PDE7B: variants seen among roughly 807,000 people sequenced by gnomAD.
PDE7B encodes the protein phosphodiesterase 7B.
In PDE7B, 29 loss-of-function variants were observed where a neutral mutation model predicts 56.2. The ratio of observed to expected loss-of-function variants is 0.52; its 90% CI spans 0.38 to 0.70. The LOEUF (loss-of-function observed/expected upper bound fraction) is 0.70, where lower values mean the gene tolerates loss of function less well. Among genes scored for constraint, PDE7B ranks in the 30% least tolerant of loss-of-function variants. The pLI, the probability that PDE7B is intolerant of heterozygous loss-of-function variation, is 0.00. For synonymous variants in PDE7B, 197 were observed against 196.9 expected (o/e 1.00, Z 0.00); for missense variants, 490 against 565.0 (o/e 0.87, Z 1.35).
At position 136,187,086 on chromosome 6, in the gene PDE7B, C is replaced by T. The variant is rs1779156720; in HGVS notation, c.1096C>T (p.Gln366Ter). Residue 366 changes from glutamine (Q) to a stop codon, truncating the protein, a stop_gained, in exon 12 of 13, where the codon CAG (glutamine) becomes TAG (stop). Coordinates refer to ENST00000308191, the MANE Select transcript of PDE7B (RefSeq NM_018945.4). LOFTEE classifies it high-confidence loss of function. Reference sequence around the variant, plus strand: ...GGAAATCAGTCCTCTTTGTAATCAACAGAAAGATTCCATCCCTAGTATACA... The same window carrying T: ...GGAAATCAGTCCTCTTTGTAATCAATAGAAAGATTCCATCCCTAGTATACA... ...ELEISPLCNQ[Q>*]KDSIPSIQIG... 6.3e-7 allele frequency: 1 copy of T among 1,580,182 alleles called. No individual in the cohort carries two copies. The highest frequency in any genetic ancestry group is 8.7e-7 in the Non-Finnish European group (1 of 1,150,350).
intron 1 of PDE7B, among the ~76,000 whole-genome samples, chr6:135,932,008 C>T (rs73775622): frequency 0.012 from 1,756 of 151,710 alleles, 35 homozygotes; most frequent in African/African-American, 0.04. Flanking sequence ...ATTCCAAAAG[C>T]AGAGCCGAAT....
chr6:136,117,129 TAA>T (rs375262722), intron 3 of PDE7B: 6 of 152,336 alleles, frequency 3.9e-5, no homozygotes, highest in African/African-American at 1.4e-4. Context: ...AGCGAAACTC[TAA>T]CCCACTCAAA....
At position 136,191,684 on chromosome 6, in the gene PDE7B, G is replaced by C; in HGVS notation, c.1197G>C (p.Ser399=). 1 of 1,613,890 alleles carries C rather than the reference G, an allele frequency of 6.2e-7. No individual in the cohort carries two copies. Among genetic ancestry groups the C allele is most frequent in the Non-Finnish European group, 8.5e-7 (1 of 1,179,902 alleles). The stretch of plus-strand genomic sequence containing the variant: ...ATTTCACGGGTAACAGCACCCTGTC[G>C]GAGAACATGCTGGGCCACCTCGCAC... ...WAHFTGNSTL[S]ENMLGHLAHN... Residue 399 remains serine, a synonymous_variant, in exon 13 of 13, where the codon TCG becomes TCC. Transcript: ENST00000308191.
At chr6:135,914,821 G>A (rs946637082) in intron 1 of PDE7B, among the ~76,000 whole-genome samples, 2 of 148,440 alleles carry the variant, frequency 1.3e-5, no homozygotes, top group African/African-American at 4.9e-5. Context: ...CTGGCCTGGC[G>A]TGGTGGCTCA....
intron 1 of PDE7B, among the ~76,000 whole-genome samples, chr6:135,883,203 T>C (rs1479966637): frequency 6.6e-6 from 1 of 152,184 alleles, no homozygotes; most frequent in African/African-American, 2.4e-5. Context: ...GTATTCTATA[T>C]ATGGAAAATC....
intron 2 of PDE7B, chr6:136,034,552 G>C (rs140004006): frequency 2.6e-5 from 4 of 152,196 alleles, no homozygotes; most frequent in Non-Finnish European, 5.9e-5. Context: ...ATAGTTTCCA[G>C]TCAGGGCATC....
At chr6:135,998,777 T>TAAACAAAAAAAAAAC (rs1775613230) in intron 2 of PDE7B, among the ~76,000 whole-genome samples, 1 of 135,858 alleles carries the variant, frequency 7.4e-6, no homozygotes, top group African/African-American at 2.6e-5. Flanking sequence ...AAATAAAAAA[T>TAAACAAAAAAAAAAC]AAACAAAAAA....
intron 3 of PDE7B, among the ~76,000 whole-genome samples, chr6:136,138,860 A>G (rs536363600): frequency 6.7e-4 from 102 of 152,246 alleles, no homozygotes; most frequent in African/African-American, 2.2e-3. Flanking sequence ...AACTTTGAAC[A>G]TTTTTAGGGG....
intron 1 of PDE7B, among the ~76,000 whole-genome samples, chr6:135,929,431 A>G (rs1287641510): frequency 6.6e-6 from 1 of 152,234 alleles, no homozygotes; most frequent in Non-Finnish European, 1.5e-5. Flanking sequence ...TGCTATAAGT[A>G]TAAAATATAC....
chr6:136,053,173 A>G (rs915489786), intron 2 of PDE7B, among the ~76,000 whole-genome samples: 3 of 151,148 alleles, frequency 2.0e-5, no homozygotes, highest in African/African-American at 4.9e-5. Flanking sequence ...CTCATCATTT[A>G]GCATTAGGTA....
chr6:135,892,356 C>T (rs1168352827), intron 1 of PDE7B, among the ~76,000 whole-genome samples: 1 of 152,040 alleles, frequency 6.6e-6, no homozygotes, highest in East Asian at 1.9e-4. Flanking sequence ...AAGTACCTTC[C>T]CAAGTGGCAT....
At chr6:136,079,781 G>A (rs888152588) in intron 2 of PDE7B, among the ~76,000 whole-genome samples, 5 of 151,464 alleles carry the variant, frequency 3.3e-5, no homozygotes, top group African/African-American at 1.2e-4. Context: ...TTCTCAAAGG[G>A]TATGGCTTCC....
chr6:135,981,604 AGGGTCAAGAT>A (rs1318213346), intron 2 of PDE7B, among the ~76,000 whole-genome samples: 5 of 149,704 alleles, frequency 3.3e-5, no homozygotes, highest in Non-Finnish European at 7.4e-5. Context: ...GGGTAGGCCT[AGGGTCAAGAT>A]GATCAATATC....
intron 2 of PDE7B, among the ~76,000 whole-genome samples, chr6:136,106,219 A>G (rs1777643520): frequency 1.3e-5 from 2 of 152,240 alleles, no homozygotes; most frequent in African/African-American, 2.4e-5. Context: ...TTTACTGTAT[A>G]TGTCTCCCTT....
chr6:135,967,275 C>T (rs866168396), intron 2 of PDE7B, among the ~76,000 whole-genome samples: 7 of 152,106 alleles, frequency 4.6e-5, no homozygotes, highest in Non-Finnish European at 8.8e-5. Context: ...TCCAACAACC[C>T]GCTATGTAAC....
intron 8 of PDE7B, among the ~76,000 whole-genome samples, chr6:136,172,564 T>G (rs1368811872): frequency 6.6e-6 from 1 of 152,070 alleles, no homozygotes; most frequent in African/African-American, 2.4e-5. Context: ...GTTTTGAAAA[T>G]TTTCTCCCAT....
intron 3 of PDE7B, among the ~76,000 whole-genome samples, chr6:136,112,288 A>T (rs1006260673): frequency 5.9e-5 from 9 of 152,234 alleles, no homozygotes; most frequent in African/African-American, 2.2e-4. Flanking sequence ...ATGGATAACT[A>T]GAACAGAAGT....
chr6:136,101,805 G>A (rs1777567274), intron 2 of PDE7B, among the ~76,000 whole-genome samples: 1 of 152,050 alleles, frequency 6.6e-6, no homozygotes, highest in African/African-American at 2.4e-5. Context: ...GGGGTTCATG[G>A]GTCCCGAGCT....
chr6:136,147,880 C>T (rs549532860), intron 4 of PDE7B, among the ~76,000 whole-genome samples: 4 of 152,274 alleles, frequency 2.6e-5, no homozygotes, highest in Non-Finnish European at 1.5e-5. Context: ...GTAACAGCTA[C>T]ACTAAAAATA....
Sources: allele counts gnomAD v4.1 joint callset (sites outside exome capture counted in the v4.1 genomes callset), GRCh38; gene constraint gnomAD v4.1.1; transcripts MANE v1.5; gene names NCBI Gene and HGNC (gene_info 2026-07-23, HGNC 2026-07-21).